The following CSMD1 variants were observed in gnomAD, a reference collection of about 807,000 sequenced individuals.
The protein encoded by CSMD1 is CUB and Sushi multiple domains 1, also known as CUB and sushi domain-containing protein 1.
A neutral mutation model predicts 417.5 loss-of-function variants in CSMD1; 213 were observed. That is an observed-to-expected ratio of 0.51 (90% CI 0.46 to 0.57). The LOEUF is 0.57. CSMD1 is among the 20% of genes least tolerant of loss of function. The pLI, the probability that CSMD1 is intolerant of heterozygous loss-of-function variation, is 0.00. For missense variants in CSMD1, 6,923 were observed against 4,529.7 expected (o/e 1.53, Z -15.17); for synonymous variants, 2,862 against 1,736.8 (o/e 1.65, Z -16.11).
At chr8:4,820,403 C>T (rs138898521) in intron 1 of CSMD1, among the ~76,000 whole-genome samples, 1 of 152,158 alleles carries the variant, frequency 6.6e-6, no homozygotes, top group African/African-American at 2.4e-5. Context: ...GCTTGCTTGG[C>T]AATTAAAATA....
chr8:4,185,255 C>T (rs896226301), intron 3 of CSMD1, among the ~76,000 whole-genome samples: 1 of 151,920 alleles, frequency 6.6e-6, no homozygotes, highest in Non-Finnish European at 1.5e-5. Flanking sequence ...CTGGCCCTAC[C>T]CCTTGCAATT....
chr8:4,715,032 T>C (rs1054283655), intron 1 of CSMD1, among the ~76,000 whole-genome samples: 1 of 152,120 alleles, frequency 6.6e-6, no homozygotes, highest in African/African-American at 2.4e-5. Flanking sequence ...ATTTCAAGCA[T>C]TTTTTTATGT....
intron 49 of CSMD1, among the ~76,000 whole-genome samples, chr8:3,077,766 G>A (rs897677822): frequency 1.3e-5 from 2 of 152,196 alleles, no homozygotes; most frequent in Non-Finnish European, 1.5e-5. Flanking sequence ...TTTTCAAACT[G>A]TCACTTTCAC....
At position 2,978,647 on chromosome 8, in the gene CSMD1, T is replaced by C. The variant is rs751753570; in HGVS notation, c.8531A>G (p.Asn2844Ser). The C allele has an allele frequency of 1.2e-6, 2 of 1,605,022 alleles. No homozygotes were observed. The highest frequency in any genetic ancestry group is 3.4e-5 in the Admixed American group (2 of 58,784). Residue 2844 changes from asparagine to serine, a missense_variant, in exon 55 of 70, where the codon AAT becomes AGT. Physicochemically the swap from Asn to Ser is conservative, Grantham distance 46 (BLOSUM62 1). Transcript: ENST00000635120. ...GGGCAGGGATCGGTCCCATAAGCCA[T>C]TTGCCATACAGGTCAAGGCTGAAGA... ...LGSSALTCMA[N>S]GLWDRSLPKC...
intron 3 of CSMD1, among the ~76,000 whole-genome samples, chr8:4,193,289 T>C (rs759134556): frequency 1.3e-5 from 2 of 152,142 alleles, no homozygotes; most frequent in African/African-American, 2.4e-5. Context: ...TGTATTAAAA[T>C]ACCATGCCCA....
intron 5 of CSMD1, among the ~76,000 whole-genome samples, chr8:3,858,947 T>C (rs1332153539): frequency 6.6e-6 from 1 of 152,216 alleles, no homozygotes; most frequent in Non-Finnish European, 1.5e-5. Context: ...GTTTCAGCAG[T>C]GGAAGCAGAA....
chr8:3,834,322 G>A (rs1164382151), intron 5 of CSMD1, among the ~76,000 whole-genome samples: 1 of 152,012 alleles, frequency 6.6e-6, no homozygotes, highest in African/African-American at 2.4e-5. Context: ...TGTGGATGTG[G>A]CTTACTCACT....
At chr8:3,367,812 G>A (rs1289641120) in intron 19 of CSMD1, among the ~76,000 whole-genome samples, 1 of 152,148 alleles carries the variant, frequency 6.6e-6, no homozygotes, top group Admixed American at 6.5e-5. Flanking sequence ...GTATATTTAA[G>A]AAAAACAGGT....
intron 22 of CSMD1, among the ~76,000 whole-genome samples, chr8:3,347,050 C>A (rs1347361136): frequency 6.6e-6 from 1 of 152,162 alleles, no homozygotes; most frequent in Non-Finnish European, 1.5e-5. Context: ...GCATAAAATG[C>A]ACTAACACTA....
chr8:4,220,946 C>T lies in CSMD1; in HGVS notation c.416-188847G>A, dbSNP rs543081793. On this transcript the variant is annotated intron_variant, in intron 3 of 69. Transcript: ENST00000635120. ...ACATGTGTGTGCACAGTTCACACCA[C>T]ACGGTTGAGTGCGCAGGCGCCCAGA... Among the ~76,000 whole-genome samples the T allele has an allele frequency of 9.3e-4, 141 of 152,284 alleles. 1 individual carries two copies. Among genetic ancestry groups the T allele is most frequent in the Non-Finnish European group, 1.7e-3 (116 of 68,026 alleles).
At chr8:4,612,874 T>C (rs778976079) in intron 2 of CSMD1, among the ~76,000 whole-genome samples, 1 of 152,198 alleles carries the variant, frequency 6.6e-6, no homozygotes, top group Non-Finnish European at 1.5e-5. Context: ...CAGAGCATAC[T>C]AGAATACTTT....
intron 41 of CSMD1, among the ~76,000 whole-genome samples, chr8:3,129,345 T>C (rs1336638010): frequency 6.6e-6 from 1 of 152,250 alleles, no homozygotes. Flanking sequence ...GATTCCTACA[T>C]GGGCTTTTTG....
intron 42 of CSMD1, among the ~76,000 whole-genome samples, chr8:3,115,895 T>C (rs1382209661): frequency 6.6e-6 from 1 of 152,200 alleles, no homozygotes; most frequent in Non-Finnish European, 1.5e-5. Flanking sequence ...GGCTGGACCT[T>C]TGAAGATGGT....
intron 10 of CSMD1, among the ~76,000 whole-genome samples, chr8:3,508,218 G>A (rs1287593353): frequency 1.3e-5 from 2 of 152,124 alleles, no homozygotes; most frequent in African/African-American, 4.8e-5. Flanking sequence ...ATAGCAGGTA[G>A]TAGGAATTTG....
intron 9 of CSMD1, among the ~76,000 whole-genome samples, chr8:3,575,483 C>A (rs1054633133): frequency 1.6e-4 from 24 of 152,238 alleles, no homozygotes; most frequent in Admixed American, 7.8e-4. Context: ...AAGGCACCGC[C>A]GAGTGCAATT....
intron 5 of CSMD1, among the ~76,000 whole-genome samples, chr8:3,794,803 G>C (rs1345087050): frequency 1.3e-5 from 2 of 151,972 alleles, no homozygotes; most frequent in African/African-American, 4.8e-5. Flanking sequence ...CAACCAACTT[G>C]TCAATAAACT....
intron 10 of CSMD1, among the ~76,000 whole-genome samples, chr8:3,541,350 G>C (rs904784811): frequency 3.9e-5 from 6 of 152,118 alleles, no homozygotes; most frequent in Admixed American, 3.3e-4. Flanking sequence ...CACAGGGAAA[G>C]GAACAACATG....
At position 3,226,216 on chromosome 8, in the gene CSMD1, A is replaced by G. The variant is rs1238197818; in HGVS notation, c.4346-2349T>C. On this transcript the variant is annotated intron_variant, in intron 27 of 69. Coordinates refer to ENST00000635120, the MANE Select transcript of CSMD1 (RefSeq NM_033225.6). ...TTTTGGCTTTTCAGAGTGTTTTGCA[A>G]TTTGGACTTGGGGAAAAGCAATTGC... is the stretch of plus-strand genomic sequence containing the variant. 2.0e-5 allele frequency among the ~76,000 whole-genome samples: 3 copies of G among 152,248 alleles called. No homozygotes were observed. The East Asian group carries it at 5.8e-4, about 29-fold the overall frequency.
intron 7 of CSMD1, among the ~76,000 whole-genome samples, chr8:3,633,500 C>T (rs1003172211): frequency 6.6e-6 from 1 of 152,166 alleles, no homozygotes; most frequent in African/African-American, 2.4e-5. Context: ...AAGTCAAATA[C>T]AGATGCAATG....
Sources: allele counts gnomAD v4.1 joint callset (sites outside exome capture counted in the v4.1 genomes callset), GRCh38; gene constraint gnomAD v4.1.1; transcripts MANE v1.5; gene names NCBI Gene and HGNC (gene_info 2026-07-23, HGNC 2026-07-21).